Variants in ATR observed in about 807,000 individuals in gnomAD.
The protein encoded by ATR is serine/threonine-protein kinase ATR.
ATR carries 142 observed loss-of-function variants against 305.3 expected under a neutral mutation model. That is an observed-to-expected ratio of 0.47 (90% CI 0.41 to 0.53). The LOEUF is 0.53. Ranked by LOEUF, ATR falls within the 20% of genes least tolerant of loss-of-function variation. ATR has a pLI of 0.00. For missense variants in ATR, 2,135 were observed against 3,133.1 expected (o/e 0.68, Z 7.60); for synonymous variants, 1,050 against 1,068.1 (o/e 0.98, Z 0.33).
In ATR at chr3:142,524,202, A is replaced by G; in HGVS notation, c.3946-3T>C. 2 of 1,608,580 alleles carry G rather than the reference A, an allele frequency of 1.2e-6. No homozygotes were observed. Among genetic ancestry groups the G allele is most frequent in the Non-Finnish European group, 1.7e-6 (2 of 1,175,310 alleles). On this transcript the variant is annotated splice_polypyrimidine_tract_variant and splice_region_variant and intron_variant, in intron 21 of 46. Coordinates refer to ENST00000350721, the MANE Select transcript of ATR (RefSeq NM_001184.4). Reference sequence around the variant, plus strand: ...GTTGCATACTTTATCAGTTTTTCCTAAAATAAAAGTAGAAAGAAAATTTAT... The same window carrying G: ...GTTGCATACTTTATCAGTTTTTCCTGAAATAAAAGTAGAAAGAAAATTTAT...
chr3:142,473,906 AT>A (rs975756160), intron 36 of ATR, among the ~76,000 whole-genome samples: 31 of 134,576 alleles, frequency 2.3e-4, no homozygotes, highest in African/African-American at 6.3e-4. Context: ...AAATTTTAGG[AT>A]TTTTTTTTCT....
chr3:142,512,603 G>A (rs558088396), intron 26 of ATR, 133 bp from the exon 27 acceptor site: 14 of 702,846 alleles, frequency 2.0e-5, no homozygotes, highest in Middle Eastern at 4.3e-4. Context: ...ATGTTGGCCT[G>A]TAATCCCAGC....
intron 36 of ATR, among the ~76,000 whole-genome samples, chr3:142,482,335 A>G (rs992694856): frequency 1.3e-5 from 2 of 152,224 alleles, no homozygotes; most frequent in Non-Finnish European, 2.9e-5. Context: ...TTTAACTACT[A>G]TGGATAGAAA....
intron 36 of ATR, among the ~76,000 whole-genome samples, chr3:142,472,821 T>C (rs1453019192): frequency 6.6e-6 from 1 of 151,982 alleles, no homozygotes; most frequent in African/African-American, 2.4e-5. Context: ...TATTTTTTTG[T>C]AGAGATGGGG....
chr3:142,535,052 C>A, intron 21 of ATR, 28 bp downstream of exon 21: 2 of 1,588,046 alleles, frequency 1.3e-6, no homozygotes, highest in Non-Finnish European at 1.7e-6. Flanking sequence ...CTTTGTTATA[C>A]ATTTTTAATT....
chr3:142,469,946 T>C, intron 37 of ATR, 140 bp downstream of exon 37: 1 of 667,892 alleles, frequency 1.5e-6, no homozygotes, highest in Non-Finnish European at 2.5e-6. Flanking sequence ...TAACATTTAG[T>C]ATCTTACTCA....
rs2108279812 is a variant in ATR, at chr3:142,469,577, A to G, written c.6320-8T>C. The G allele has an allele frequency of 1.3e-6, 2 of 1,598,034 alleles. No homozygotes were observed. The highest frequency in any genetic ancestry group is 1.7e-6 in the Non-Finnish European group (2 of 1,165,654). On this transcript the variant is annotated splice_polypyrimidine_tract_variant and splice_region_variant and intron_variant, in intron 37 of 46. Transcript: ENST00000350721. ...CACGATCGGAGCGGCCAGCTGGGGG[A>G]AGAAATAAGTTTAAAAAACAATAAA...
intron 19 of ATR, among the ~76,000 whole-genome samples, chr3:142,537,674 T>TA (rs2108430540): frequency 6.6e-6 from 1 of 152,220 alleles, no homozygotes; most frequent in East Asian, 1.9e-4. Flanking sequence ...AGTAGGTAAA[T>TA]AAGTAGTACT....
chr3:142,563,198 G>A (rs931699665), intron 3 of ATR, 89 bp from the exon 4 acceptor site: 1 of 1,301,394 alleles, frequency 7.7e-7, no homozygotes, highest in Admixed American at 2.3e-5. Flanking sequence ...GACTTTTAAA[G>A]AATAAACTTC....
chr3:142,486,314 A>G (rs2030921084), intron 35 of ATR, among the ~76,000 whole-genome samples: 1 of 152,214 alleles, frequency 6.6e-6, no homozygotes, highest in South Asian at 2.1e-4. Flanking sequence ...AATAGAGGAC[A>G]GAATGATATG....
chr3:142,482,945 A>T (rs533216592), intron 36 of ATR, among the ~76,000 whole-genome samples: 1,657 of 149,090 alleles, frequency 0.011, 35 homozygotes, highest in African/African-American at 0.039. Flanking sequence ...TTCTCGTGTG[A>T]CACAGCCCTC....
At chr3:142,544,451 C>CAAAAAAAAAAA (rs1350615174) in intron 16 of ATR, among the ~76,000 whole-genome samples, 1 of 24,870 alleles carries the variant, frequency 4.0e-5, no homozygotes, top group Admixed American at 5.5e-4. Context: ...AATCCTGCCT[C>CAAAAAAAAAAA]CAAAAAAAAA....
At chr3:142,561,164 A>G in intron 5 of ATR, 79 bp downstream of exon 5, 1 of 1,469,902 alleles carries the variant, frequency 6.8e-7, no homozygotes. Flanking sequence ...AAATCAAAGC[A>G]CTTAACTAAA....
chr3:142,514,598 C>A (rs1219918051), intron 25 of ATR, among the ~76,000 whole-genome samples: 1 of 150,042 alleles, frequency 6.7e-6, no homozygotes, highest in Non-Finnish European at 1.5e-5. Context: ...CGCGCCACTG[C>A]ACTCCAGCCT....
chr3:142,528,879 A>ATATATATATATT (rs1215767510), intron 21 of ATR, among the ~76,000 whole-genome samples: 22 of 30,488 alleles, frequency 7.2e-4, no homozygotes, highest in Non-Finnish European at 8.0e-4. Context: ...ATATATATAT[A>ATATATATATATT]TTTTTTTTTT....
rs147753137 is a variant in ATR at position 142,539,507 on chromosome 3, G to T, written c.3582-882C>A. On this transcript the variant is annotated intron_variant, in intron 18 of 46. Transcript: ENST00000350721. ...AATAATCAAACTTATAAAAATCTAC[G>T]TTATCAAAATGATATTAAAAAAACT... Among the ~76,000 whole-genome samples the T allele has an allele frequency of 4.1e-3, 628 of 152,088 alleles. 12 individuals carry two copies. The highest frequency in any genetic ancestry group is 0.015 in the African/African-American group (609 of 41,492).
At chr3:142,494,063 A>T (rs1490491492) in intron 34 of ATR, among the ~76,000 whole-genome samples, 1 of 151,978 alleles carries the variant, frequency 6.6e-6, no homozygotes, top group Non-Finnish European at 1.5e-5. Context: ...AAATTAAAAA[A>T]AAAAAGAAAT....
rs1354835562 is a variant in ATR, at chr3:142,562,683, C to A, written c.719G>T (p.Gly240Val). The change falls in exon 4 of 47, where the codon GGT becomes GTT. Residue 240 changes from glycine (G) to valine (V), a missense_variant. By Grantham distance (109) the Gly-to-Val change is moderately radical. Coordinates refer to ENST00000350721, the MANE Select transcript of ATR (RefSeq NM_001184.4). ...TGCTAGGGATTTAATTTTTGGACTA[C>A]CATACTCTAGCAGAACACAACCTAT... is the stretch of plus-strand genomic sequence containing the variant. ...WQIGCVLLEY[G>V]SPKIKSLAIS... 2.5e-6 allele frequency: 4 copies of A among 1,614,028 alleles called. No homozygotes were observed. Among genetic ancestry groups the A allele is most frequent in the Non-Finnish European group, 3.4e-6 (4 of 1,179,976 alleles).
At chr3:142,471,885 C>T (rs1026865185) in intron 36 of ATR, among the ~76,000 whole-genome samples, 4 of 152,116 alleles carry the variant, frequency 2.6e-5, no homozygotes, top group African/African-American at 7.2e-5. Context: ...TCCCCAACTC[C>T]TCACTACTCC....
Sources: allele counts gnomAD v4.1 joint callset (sites outside exome capture counted in the v4.1 genomes callset), GRCh38; gene constraint gnomAD v4.1.1; transcripts MANE v1.5; gene names NCBI Gene and HGNC (gene_info 2026-07-23, HGNC 2026-07-21).